Variants in CNMD observed in about 807,000 individuals in gnomAD.
CNMD encodes chondromodulin, also known as leukocyte cell-derived chemotaxin 1.
CNMD carries 30 observed loss-of-function variants against 37.5 expected under a neutral mutation model. That is an observed-to-expected ratio of 0.80 (90% CI 0.60 to 1.09). The LOEUF is 1.09. Ranked by LOEUF, CNMD falls within the 50% of genes least tolerant of loss-of-function variation. The pLI is 0.00. For synonymous variants in CNMD, 167 were observed against 148.2 expected (o/e 1.13, Z -0.92); for missense variants, 398 against 423.9 (o/e 0.94, Z 0.54).
Position 52,739,559 on chromosome 13 carries a change from T to A in CNMD, c.72+71A>T. On this transcript the variant is annotated intron_variant, in intron 1 of 6. Transcript: ENST00000377962. The surrounding 1 kb of genome is among the most constrained non-coding windows in gnomAD (Gnocchi z 5.4). The stretch of plus-strand genomic sequence containing the variant: ...ACACCCATTCGGTGGCACGCACCCC[T>A]GAGTCCGAACTGTGGAACCTGATAC... 1 of 1,392,000 alleles carries A rather than the reference T, an allele frequency of 7.2e-7. No individual in the cohort carries two copies. Among genetic ancestry groups the A allele is most frequent in the Non-Finnish European group, 1.0e-6 (1 of 980,032 alleles). 86.2% of individuals were successfully genotyped at this position (1,392,000 alleles called of 1,614,324 possible). A position where few individuals can be genotyped will look rare whatever the true frequency, so the allele number is the denominator to read the frequency against.
chr13:52,735,151 T>G (rs1033622111), intron 2 of CNMD, among the ~76,000 whole-genome samples: 1 of 152,228 alleles, frequency 6.6e-6, no homozygotes, highest in East Asian at 1.9e-4. Context: ...TCTTTTCCCC[T>G]TTCCCCTCAG....
chr13:52,705,363 C>T (rs1282862272), intron 6 of CNMD, among the ~76,000 whole-genome samples: 1 of 152,132 alleles, frequency 6.6e-6, no homozygotes. Flanking sequence ...GCCATTATCA[C>T]AAAATTAACA....
intron 6 of CNMD, among the ~76,000 whole-genome samples, chr13:52,705,212 C>A (rs1006707158): frequency 4.6e-5 from 7 of 152,032 alleles, no homozygotes; most frequent in Non-Finnish European, 8.8e-5. Context: ...ATTTATATGT[C>A]CATCAAAGCA....
intron 2 of CNMD, among the ~76,000 whole-genome samples, chr13:52,738,704 A>C (rs1184025187): frequency 2.6e-5 from 4 of 152,122 alleles, no homozygotes; most frequent in Admixed American, 2.6e-4. Context: ...CAGGACGAGT[A>C]CACTGAGGCC....
At chr13:52,729,472 A>G (rs1471101780) in intron 3 of CNMD, among the ~76,000 whole-genome samples, 1 of 152,260 alleles carries the variant, frequency 6.6e-6, no homozygotes, top group Non-Finnish European at 1.5e-5. Context: ...AGAAAACAGT[A>G]CTTTTCTTCA....
chr13:52,719,961 A>G (rs944107800), intron 4 of CNMD, among the ~76,000 whole-genome samples: 4 of 152,212 alleles, frequency 2.6e-5, no homozygotes, highest in African/African-American at 7.2e-5. Context: ...TTTCAGGTAC[A>G]CCAGTCAAAT....
chr13:52,719,212 A>G (rs892040613), intron 4 of CNMD, among the ~76,000 whole-genome samples: 10 of 152,180 alleles, frequency 6.6e-5, no homozygotes, highest in African/African-American at 1.9e-4. Context: ...TTTTGAACCT[A>G]TGTGTGTCTT....
intron 2 of CNMD, 29 bp from the exon 3 acceptor site, chr13:52,733,388 C>T: frequency 6.2e-7 from 1 of 1,612,634 alleles, no homozygotes; most frequent in Non-Finnish European, 8.5e-7. Flanking sequence ...GTTAGTGATG[C>T]TTTCTTTTTT....
chr13:52,727,961 A>T (rs1316967854), intron 3 of CNMD, among the ~76,000 whole-genome samples: 2 of 152,208 alleles, frequency 1.3e-5, no homozygotes, highest in African/African-American at 4.8e-5. Context: ...GAGGACTTGA[A>T]ATGTTCCCAA....
At chr13:52,733,747 A>G (rs1468566848) in intron 2 of CNMD, among the ~76,000 whole-genome samples, 2 of 152,138 alleles carry the variant, frequency 1.3e-5, no homozygotes, top group South Asian at 2.1e-4. Flanking sequence ...GCTCAATTCT[A>G]TTATGCATCT....
At position 52,712,721 on chromosome 13, in the gene CNMD, G is replaced by A; in HGVS notation, c.617C>T (p.Pro206Leu). 1 of 1,510,828 alleles carries A rather than the reference G, an allele frequency of 6.6e-7. No homozygotes were observed. The allele number at this position is 1,510,828 out of a possible 1,614,324, so 93.6% of individuals were successfully genotyped here. A position where few individuals can be genotyped will look rare whatever the true frequency, so the allele number is the denominator to read the frequency against. Residue 206 changes from proline to leucine, a missense_variant, in exon 5 of 7, where the codon CCA becomes CTA. Coordinates refer to ENST00000377962, the MANE Select transcript of CNMD (RefSeq NM_007015.3). ...LPIFWLKPTY[P>L]KEIQRERREV... ...AAGATAATTTAAAATGTTACCTTTTGGATAGGTTGGTTTAAGCCAGAAAAT... is the reference window on the plus strand; with the variant it reads ...AAGATAATTTAAAATGTTACCTTTTAGATAGGTTGGTTTAAGCCAGAAAAT...
chr13:52,715,458 C>T (rs1304148257), intron 4 of CNMD, among the ~76,000 whole-genome samples: 2 of 152,150 alleles, frequency 1.3e-5, no homozygotes, highest in Non-Finnish European at 2.9e-5. Flanking sequence ...TGCATCAACT[C>T]GTCATCTACA....
At chr13:52,710,871 T>C (rs1267061201) in intron 5 of CNMD, among the ~76,000 whole-genome samples, 3 of 152,144 alleles carry the variant, frequency 2.0e-5, no homozygotes, top group African/African-American at 4.8e-5. Flanking sequence ...ATCTTGGATA[T>C]GTAGGGAAGA....
chr13:52,718,570 T>C (rs1273170619), intron 4 of CNMD, among the ~76,000 whole-genome samples: 1 of 152,174 alleles, frequency 6.6e-6, no homozygotes, highest in East Asian at 1.9e-4. Flanking sequence ...TCAAAGAACA[T>C]CTTTATTTCT....
At chr13:52,704,628 T>C (rs924669094) in intron 6 of CNMD, among the ~76,000 whole-genome samples, 3 of 152,174 alleles carry the variant, frequency 2.0e-5, no homozygotes, top group Admixed American at 6.5e-5. Context: ...ATTTTTAATA[T>C]GGTATTGAAG....
At chr13:52,717,554 C>A (rs539846410) in intron 4 of CNMD, among the ~76,000 whole-genome samples, 2 of 151,924 alleles carry the variant, frequency 1.3e-5, no homozygotes, top group African/African-American at 4.8e-5. Context: ...TAGCATGAAG[C>A]GGTGTTAAAT....
intron 3 of CNMD, among the ~76,000 whole-genome samples, chr13:52,731,918 A>G (rs1280080123): frequency 1.3e-5 from 2 of 152,262 alleles, no homozygotes; most frequent in East Asian, 1.9e-4. Flanking sequence ...ATACTTGTGC[A>G]TTGAGCAGAA....
At chr13:52,738,979 A>T (rs1594293786) in intron 2 of CNMD, 52 bp downstream of exon 2, 4 of 1,491,324 alleles carry the variant, frequency 2.7e-6, no homozygotes, top group South Asian at 1.4e-5. Context: ...GGCTCCCCCT[A>T]GGGGCACCAT....
At chr13:52,733,099 C>T (rs1321360377) in intron 3 of CNMD, 120 bp downstream of exon 3, 6 of 960,488 alleles carry the variant, frequency 6.2e-6, no homozygotes, top group Non-Finnish European at 1.0e-5. Flanking sequence ...AGTGGCACTA[C>T]AACTGCTATA....
Sources: gnomAD v4.1 joint callset for allele counts (sites outside exome capture counted in the v4.1 genomes callset) on GRCh38, gnomAD v4.1.1 for gene constraint, Gnocchi (gnomAD v3.1) non-coding constraint, MANE v1.5 for transcripts, NCBI Gene and HGNC (gene_info 2026-07-23, HGNC 2026-07-21) for gene names.